Variants in LIG1 observed in about 807,000 individuals in gnomAD.
The protein encoded by LIG1 is ligase I, DNA, ATP-dependent.
Under a neutral mutation model 115.7 loss-of-function variants are expected in LIG1, and 70 were observed. The ratio of observed to expected loss-of-function variants is 0.60; its 90% CI spans 0.50 to 0.74. The LOEUF is 0.74. Among genes scored for constraint, LIG1 ranks in the 30% least tolerant of loss-of-function variants. The pLI, the probability that LIG1 is intolerant of heterozygous loss-of-function variation, is 0.00. For synonymous variants in LIG1, 487 were observed against 495.3 expected, an observed-to-expected ratio of 0.98 and a Z score of 0.22; for missense variants, 1,115 against 1,225.6, an observed-to-expected ratio of 0.91 and a Z score of 1.35.
At chr19:48,167,428 A>C (rs904033713) in intron 1 of LIG1, among the ~76,000 whole-genome samples, 3 of 152,022 alleles carry the variant, frequency 2.0e-5, no homozygotes, top group Admixed American at 2.0e-4. Context: ...CGTTTTCTGG[A>C]ATCAGTACTC....
chr19:48,122,836 C>G lies in LIG1; in HGVS notation c.2232+98G>C. The G allele has an allele frequency of 9.0e-7, 1 of 1,108,316 alleles. No homozygotes were observed. Among genetic ancestry groups the G allele is most frequent in the South Asian group, 1.2e-5 (1 of 80,924 alleles). 68.7% of individuals were successfully genotyped at this position (1,108,316 alleles called of 1,614,324 possible). A position where few individuals can be genotyped will look rare whatever the true frequency, so the allele number is the denominator to read the frequency against. The stretch of plus-strand genomic sequence containing the variant: ...GGATTGTGAAAAGGGGCCCTGAGCT[C>G]AGACAGGGTACACAGTGGAGGCTCG... On this transcript the variant is annotated intron_variant, in intron 23 of 27. Coordinates refer to ENST00000263274, the MANE Select transcript of LIG1 (RefSeq NM_000234.3). This position sits in a 1 kb window ranked among gnomAD's most constrained non-coding sequence, Gnocchi z 4.3.
chr19:48,135,781 TAAG>T lies in LIG1; in HGVS notation c.1424-5_1424-3del, dbSNP rs780091726. 1 of 1,613,260 alleles carries T rather than the reference TAAG, an allele frequency of 6.2e-7. No individual in the cohort carries two copies. ...CATCCACCATGGCTGGTGGGAATTCTAAGAAAAGACCCACCAGAGGCTTTGGAA... is the reference window on the plus strand; with the variant it reads ...CATCCACCATGGCTGGTGGGAATTCTAAAAGACCCACCAGAGGCTTTGGAA... On this transcript the variant is annotated splice_polypyrimidine_tract_variant and splice_region_variant and intron_variant, in intron 15 of 27. Transcript: ENST00000263274.
chr19:48,128,150 A>G, intron 19 of LIG1, 130 bp from the exon 20 acceptor site: 1 of 750,740 alleles, frequency 1.3e-6, no homozygotes, highest in Non-Finnish European at 2.4e-6. Context: ...GCAGGTGCAC[A>G]CAGATGCTTT....
chr19:48,117,284 T>C (rs1299602489), intron 26 of LIG1, among the ~76,000 whole-genome samples: 1 of 151,816 alleles, frequency 6.6e-6, no homozygotes, highest in Non-Finnish European at 1.5e-5. Flanking sequence ...CTCAGCCTCC[T>C]GGGTAGCTGG....
In LIG1 at chr19:48,150,215, G is replaced by A. The variant is rs370227577; in HGVS notation, c.575-5C>T. On this transcript the variant is annotated splice_region_variant and splice_polypyrimidine_tract_variant and intron_variant, in intron 7 of 27. Transcript: ENST00000263274. Reference sequence around the variant, plus strand: ...TTTCCGTCGGGGTCTCTGCTTCTGCGGTGAGAGAGCTCAGACGGTGATGCA... The same window carrying A: ...TTTCCGTCGGGGTCTCTGCTTCTGCAGTGAGAGAGCTCAGACGGTGATGCA... 3.0e-5 allele frequency: 49 copies of A among 1,613,996 alleles called. No homozygotes were observed. Among genetic ancestry groups the A allele is most frequent in the Non-Finnish European group, 3.8e-5 (45 of 1,180,046 alleles).
chr19:48,148,640 G>A (rs1227254197), intron 9 of LIG1, among the ~76,000 whole-genome samples: 6 of 152,164 alleles, frequency 3.9e-5, no homozygotes, highest in South Asian at 2.1e-4. Context: ...GGGGAGAATC[G>A]CAGATGGGTT....
At chr19:48,153,003 C>T (rs2035572692) in intron 6 of LIG1, among the ~76,000 whole-genome samples, 1 of 152,012 alleles carries the variant, frequency 6.6e-6, no homozygotes, top group Admixed American at 6.6e-5. Context: ...TCGAGACCAG[C>T]TTGGTCAACA....
intron 21 of LIG1, among the ~76,000 whole-genome samples, chr19:48,126,586 A>G (rs2122459136): frequency 6.6e-6 from 1 of 151,038 alleles, no homozygotes; most frequent in South Asian, 2.1e-4. Flanking sequence ...AGCCTGGGTG[A>G]CTGAGCAAGA....
Position 48,159,819 on chromosome 19 carries a change from G to A in LIG1, c.243+1553C>T, listed in dbSNP as rs535165737. ...TGCAAGCTCCGCCTCCCGGGTTCAC[G>A]CCATTCTCCTGCCTCATCCTCCCGA... On this transcript the variant is annotated intron_variant, in intron 4 of 27. Coordinates refer to ENST00000263274, the MANE Select transcript of LIG1 (RefSeq NM_000234.3). 3.7e-4 allele frequency among the ~76,000 whole-genome samples: 57 copies of A among 152,172 alleles called. No individual in the cohort carries two copies. In the South Asian group the frequency reaches 4.1e-3, roughly 11 times the overall value.
In LIG1 at chr19:48,137,524, C is replaced by A. The variant is rs767994822; in HGVS notation, c.1252G>T (p.Ala418Ser). ...GATGAGCGGCCCGCCCCACTCACAG[C>A]ACTGCCAGTGAGCCTGGCGATGTCG... ...FRDIARLTGSASTAKKIDIIK... is the reference protein window; with the variant it reads ...FRDIARLTGSSSTAKKIDIIK... Residue 418 changes from alanine (A) to serine (S), a missense_variant and splice_region_variant, in exon 13 of 28, where the codon GCT (alanine) becomes TCT (serine). Coordinates refer to ENST00000263274, the MANE Select transcript of LIG1 (RefSeq NM_000234.3). The surrounding 1 kb of genome is among the most constrained non-coding windows in gnomAD (Gnocchi z 4.3). 6.2e-7 allele frequency: 1 copy of A among 1,612,348 alleles called. No individual in the cohort carries two copies. Among genetic ancestry groups the A allele is most frequent in the South Asian group, 1.1e-5 (1 of 91,078 alleles).
In LIG1 at chr19:48,117,724, C is replaced by T. The variant is rs747656528; in HGVS notation, c.2497G>A (p.Asp833Asn). ...YVRIDGAVIP[D>N]HWLDPSAVWE... ...ACAGCGCTGGGGTCCAGCCAGTGGT[C>T]GGGAATCACAGCGCCATCTATCCGC... Residue 833 changes from aspartate (D) to asparagine (N), a missense_variant, in exon 26 of 28, where the codon GAC (aspartate) becomes AAC (asparagine). Transcript: ENST00000263274. The T allele has an allele frequency of 8.7e-6, 14 of 1,612,858 alleles. No homozygotes were observed. Among genetic ancestry groups the T allele is most frequent in the Middle Eastern group, 1.6e-4 (1 of 6,080 alleles).
At chr19:48,154,896 C>T (rs3730887) in intron 5 of LIG1, among the ~76,000 whole-genome samples, 6,485 of 152,184 alleles carry the variant, frequency 0.043, 323 homozygotes, top group African/African-American at 0.11. Flanking sequence ...ATGTCTACCC[C>T]GATCCTACCT....
chr19:48,136,192 C>T, intron 14 of LIG1, 67 bp from the exon 15 acceptor site: 1 of 1,207,270 alleles, frequency 8.3e-7, no homozygotes, highest in Non-Finnish European at 1.2e-6. Flanking sequence ...CCTCCCTTCT[C>T]TGATCTCCTC....
intron 6 of LIG1, 134 bp downstream of exon 6, chr19:48,153,738 T>TCACA (rs10625177): frequency 5.5e-5 from 23 of 415,866 alleles, no homozygotes; most frequent in South Asian, 1.6e-4. Flanking sequence ...CCTCTTGGCT[T>TCACA]CACACACACA....
In LIG1 at chr19:48,122,246, C is replaced by G. The variant is rs1160105645; in HGVS notation, c.2232+688G>C. ...TGGCCCTCAACACACCCGTCCTCCA[C>G]TCGAGGGGAAACCCCAGGAGCTTCG... is the stretch of plus-strand genomic sequence containing the variant. On this transcript the variant is annotated intron_variant, in intron 23 of 27. Coordinates refer to ENST00000263274, the MANE Select transcript of LIG1 (RefSeq NM_000234.3). This position sits in a 1 kb window ranked among gnomAD's most constrained non-coding sequence, Gnocchi z 4.3. 6.4e-6 allele frequency: 1 copy of G among 155,882 alleles called. No homozygotes were observed. Among genetic ancestry groups the G allele is most frequent in the African/African-American group, 2.4e-5 (1 of 41,474 alleles). 9.7% of individuals were successfully genotyped at this position (155,882 alleles called of 1,614,324 possible).
intron 1 of LIG1, 199 bp downstream of exon 1, chr19:48,170,042 C>G (rs1486392610): frequency 5.7e-6 from 2 of 349,726 alleles, no homozygotes; most frequent in Admixed American, 7.0e-5. Flanking sequence ...CCTGGCCCCC[C>G]TCCCTCTGGG....
At chr19:48,153,700 C>T (rs1252877594) in intron 6 of LIG1, among the ~76,000 whole-genome samples, 172 bp downstream of exon 6, 1 of 131,404 alleles carries the variant, frequency 7.6e-6, no homozygotes, top group Non-Finnish European at 1.6e-5. Flanking sequence ...ACCTCTCCTT[C>T]TGGGGGCTCA....
At position 48,157,111 on chromosome 19, in the gene LIG1, G is replaced by A. The variant is rs1384607061; in HGVS notation, c.273C>T (p.Ser91=). Residue 91 remains serine, a synonymous_variant, in exon 5 of 28, where the codon TCC becomes TCT. Transcript: ENST00000263274. ...QKPALDCSQV[S]PPRPATSPEN... is the part of the protein sequence containing the mutation. Reference sequence around the variant, plus strand: ...CAGGAGATGTGGCAGGACGGGGCGGGGAGACCTGTGAGCAGTCCAGGGCAG... The same window carrying A: ...CAGGAGATGTGGCAGGACGGGGCGGAGAGACCTGTGAGCAGTCCAGGGCAG... 51 of 1,613,490 alleles carry A rather than the reference G, an allele frequency of 3.2e-5. No homozygotes were observed. Among genetic ancestry groups the A allele is most frequent in the Non-Finnish European group, 4.3e-5 (51 of 1,179,652 alleles).
At position 48,160,870 on chromosome 19, in the gene LIG1, C is replaced by T. The variant is rs977677761; in HGVS notation, c.243+502G>A. Among the ~76,000 whole-genome samples the T allele has an allele frequency of 2.0e-5, 3 of 151,962 alleles. No homozygotes were observed. In the South Asian group the frequency reaches 6.2e-4, roughly 32 times the overall value. ...GCCTCAGCCTCTCAAGGAGATAGCA[C>T]CACAGGCATGCACCACCACACCTGG... On this transcript the variant is annotated intron_variant, in intron 4 of 27. Coordinates refer to ENST00000263274, the MANE Select transcript of LIG1 (RefSeq NM_000234.3).
Sources: gnomAD v4.1 joint callset for allele counts (sites outside exome capture counted in the v4.1 genomes callset) on GRCh38, gnomAD v4.1.1 for gene constraint, Gnocchi (gnomAD v3.1) non-coding constraint, MANE v1.5 for transcripts, NCBI Gene and HGNC (gene_info 2026-07-23, HGNC 2026-07-21) for gene names.